CSMD1: variants seen among roughly 807,000 people sequenced by gnomAD.
CSMD1 encodes CUB and Sushi multiple domains 1, also known as CUB and sushi domain-containing protein 1.
CSMD1 carries 213 observed loss-of-function variants against 417.5 expected under a neutral mutation model. The observed-to-expected ratio is 0.51, with a 90% confidence interval of 0.46 to 0.57. The LOEUF (loss-of-function observed/expected upper bound fraction) is 0.57, where lower values mean the gene tolerates loss of function less well. CSMD1 is among the 20% of genes least tolerant of loss of function. CSMD1 has a pLI of 0.00. For missense variants in CSMD1, 6,923 were observed against 4,529.7 expected, an observed-to-expected ratio of 1.53 and a Z score of -15.17; for synonymous variants, 2,862 against 1,736.8, an observed-to-expected ratio of 1.65 and a Z score of -16.11.
chr8:3,327,588 A>T (rs1195076784), intron 23 of CSMD1, among the ~76,000 whole-genome samples: 1 of 152,190 alleles, frequency 6.6e-6, no homozygotes, highest in Non-Finnish European at 1.5e-5. Flanking sequence ...TGTTGTACTC[A>T]ATAAGAATTC....
At chr8:2,999,678 T>C (rs1807225463) in intron 53 of CSMD1, among the ~76,000 whole-genome samples, 1 of 152,104 alleles carries the variant, frequency 6.6e-6, no homozygotes, top group South Asian at 2.1e-4. Context: ...GAGGAATCCA[T>C]GACACCACTT....
chr8:4,822,701 T>C (rs963972506), intron 1 of CSMD1, among the ~76,000 whole-genome samples: 1 of 152,156 alleles, frequency 6.6e-6, no homozygotes, highest in Non-Finnish European at 1.5e-5. Context: ...TACAATGTTG[T>C]CTCTCCTATA....
At chr8:3,100,103 G>C (rs1157584664) in intron 46 of CSMD1, among the ~76,000 whole-genome samples, 5 of 152,038 alleles carry the variant, frequency 3.3e-5, no homozygotes, top group Non-Finnish European at 7.4e-5. Flanking sequence ...CCAGGCTGGA[G>C]GGCAGTGGCA....
At chr8:3,658,155 T>G (rs1452905549) in intron 7 of CSMD1, among the ~76,000 whole-genome samples, 3 of 152,104 alleles carry the variant, frequency 2.0e-5, no homozygotes, top group South Asian at 2.1e-4. Context: ...CTTATCTCTC[T>G]CAGAATGTAA....
intron 1 of CSMD1, among the ~76,000 whole-genome samples, chr8:4,993,655 T>C (rs1013955269): frequency 2.0e-5 from 3 of 152,096 alleles, no homozygotes; most frequent in African/African-American, 7.2e-5. Context: ...TGGAAGCCGG[T>C]CCAGAACTCC....
At chr8:3,777,063 A>T (rs973418292) in intron 5 of CSMD1, among the ~76,000 whole-genome samples, 1 of 151,626 alleles carries the variant, frequency 6.6e-6, no homozygotes, top group Admixed American at 6.6e-5. Flanking sequence ...ATATCTGTTT[A>T]CATCTATCAT....
chr8:4,742,787 G>C (rs1478179951), intron 1 of CSMD1, among the ~76,000 whole-genome samples: 1 of 152,040 alleles, frequency 6.6e-6, no homozygotes, highest in Non-Finnish European at 1.5e-5. Flanking sequence ...AATGCTAAAA[G>C]CCCAATTATA....
At chr8:3,474,780 T>C (rs1489224502) in intron 11 of CSMD1, among the ~76,000 whole-genome samples, 3 of 152,196 alleles carry the variant, frequency 2.0e-5, no homozygotes, top group African/African-American at 4.8e-5. Context: ...GTTACACAAC[T>C]AGTCTTGCTT....
intron 3 of CSMD1, among the ~76,000 whole-genome samples, chr8:4,381,335 A>G (rs1396890109): frequency 6.6e-6 from 1 of 152,178 alleles, no homozygotes; most frequent in Non-Finnish European, 1.5e-5. Flanking sequence ...CATTCCCAAC[A>G]CAATGGATGA....
chr8:4,176,468 T>TG (rs1798046874), intron 3 of CSMD1, among the ~76,000 whole-genome samples: 1 of 152,122 alleles, frequency 6.6e-6, no homozygotes, highest in Non-Finnish European at 1.5e-5. Context: ...TTTCTCATCC[T>TG]GGCACCTTCT....
At chr8:4,518,774 A>C (rs1469729766) in intron 2 of CSMD1, among the ~76,000 whole-genome samples, 1 of 152,074 alleles carries the variant, frequency 6.6e-6, no homozygotes, top group Non-Finnish European at 1.5e-5. Flanking sequence ...ATAATAATAA[A>C]ATAAAATTTA....
chr8:4,666,740 T>C (rs1804960131), intron 1 of CSMD1, among the ~76,000 whole-genome samples: 2 of 152,206 alleles, frequency 1.3e-5, no homozygotes, highest in African/African-American at 4.8e-5. Flanking sequence ...GAGTTCTTCA[T>C]ACAGTCAAGT....
intron 5 of CSMD1, among the ~76,000 whole-genome samples, chr8:3,807,614 T>G (rs1800821366): frequency 6.6e-6 from 1 of 152,218 alleles, no homozygotes; most frequent in Admixed American, 6.5e-5. Context: ...ATAACATAAT[T>G]GTGTTTCAGT....
At chr8:3,954,199 A>G (rs1374785025) in intron 5 of CSMD1, among the ~76,000 whole-genome samples, 1 of 152,174 alleles carries the variant, frequency 6.6e-6, no homozygotes, top group Non-Finnish European at 1.5e-5. Context: ...AATTTGACTG[A>G]GGGGCATAAA....
chr8:4,156,104 A>T (rs999293412), intron 3 of CSMD1, among the ~76,000 whole-genome samples: 5 of 152,116 alleles, frequency 3.3e-5, no homozygotes, highest in African/African-American at 4.8e-5. Context: ...AGAGCATAAT[A>T]ATCATCCGAT....
intron 1 of CSMD1, among the ~76,000 whole-genome samples, chr8:4,679,044 G>T (rs954104037): frequency 1.3e-5 from 2 of 152,168 alleles, no homozygotes; most frequent in Non-Finnish European, 2.9e-5. Flanking sequence ...TGTTTGCCCA[G>T]ATCACAGTGA....
intron 1 of CSMD1, among the ~76,000 whole-genome samples, chr8:4,816,764 C>T (rs1585148865): frequency 6.6e-6 from 1 of 152,134 alleles, no homozygotes; most frequent in East Asian, 1.9e-4. Flanking sequence ...TCATCTAGGA[C>T]TGAGGATGGG....
intron 2 of CSMD1, among the ~76,000 whole-genome samples, chr8:4,473,225 A>G (rs901143594): frequency 6.6e-6 from 1 of 152,228 alleles, no homozygotes; most frequent in Admixed American, 6.5e-5. Context: ...AAAAAGTTTT[A>G]AATTTTAAGC....
chr8:3,812,777 T>C (rs937895199), intron 5 of CSMD1, among the ~76,000 whole-genome samples: 2 of 152,178 alleles, frequency 1.3e-5, no homozygotes, highest in African/African-American at 4.8e-5. Flanking sequence ...CAAGGGTCAA[T>C]GTATAGTAGC....
Sources: gnomAD v4.1 joint callset for allele counts (sites outside exome capture counted in the v4.1 genomes callset) on GRCh38, gnomAD v4.1.1 for gene constraint, MANE v1.5 for transcripts, NCBI Gene and HGNC (gene_info 2026-07-23, HGNC 2026-07-21) for gene names.